AGTPBP1: variants seen among roughly 807,000 people sequenced by gnomAD.
AGTPBP1 encodes ATP/GTP binding carboxypeptidase 1.
A neutral mutation model predicts 143.9 loss-of-function variants in AGTPBP1; 70 were observed. The observed-to-expected ratio is 0.49, with a 90% CI of 0.40 to 0.59. The LOEUF is 0.59. Ranked by LOEUF, AGTPBP1 falls within the 20% of genes least tolerant of loss-of-function variation. The pLI is 0.00. For missense variants in AGTPBP1, 1,229 were observed against 1,464.5 expected (o/e 0.84, Z 2.62); for synonymous variants, 463 against 500.2 (o/e 0.93, Z 0.99).
intron 25 of AGTPBP1, among the ~76,000 whole-genome samples, chr9:85,561,281 G>A (rs1218307124): frequency 6.6e-6 from 1 of 151,558 alleles, no homozygotes; most frequent in Non-Finnish European, 1.5e-5. Flanking sequence ...AGAATCGCTT[G>A]AACCTGGGAG....
the AGTPBP1 span, among the ~76,000 whole-genome samples, chr9:85,775,304 A>G: frequency 7.1e-6 from 1 of 141,826 alleles, no homozygotes; most frequent in Non-Finnish European, 1.5e-5. Context: ...ACCCTGTCTC[A>G]AAAAAAAAAA....
At chr9:85,740,411 A>C (rs547261482) in intron 1 of AGTPBP1, among the ~76,000 whole-genome samples, 2 of 152,266 alleles carry the variant, frequency 1.3e-5, no homozygotes, top group Non-Finnish European at 2.9e-5. Flanking sequence ...CTGCATGATG[A>C]GAAACAGTGG....
intron 17 of AGTPBP1, among the ~76,000 whole-genome samples, chr9:85,617,833 T>C (rs1325276788): frequency 6.6e-6 from 1 of 152,126 alleles, no homozygotes; most frequent in Admixed American, 6.5e-5. Flanking sequence ...CAAACAACCC[T>C]GCACATACAT....
At chr9:85,718,444 T>C (rs1248507360) in intron 1 of AGTPBP1, among the ~76,000 whole-genome samples, 1 of 152,254 alleles carries the variant, frequency 6.6e-6, no homozygotes, top group Non-Finnish European at 1.5e-5. Context: ...TTTTCATGTG[T>C]CTGTTGACTG....
chr9:85,799,947 C>A, the AGTPBP1 span, among the ~76,000 whole-genome samples: 2 of 152,186 alleles, frequency 1.3e-5, no homozygotes, highest in South Asian at 4.1e-4. Context: ...ACCATGGGAT[C>A]CCCAAACCTC....
At chr9:85,672,374 T>C (rs967734638) in intron 7 of AGTPBP1, among the ~76,000 whole-genome samples, 176 bp downstream of exon 7, 5 of 152,076 alleles carry the variant, frequency 3.3e-5, no homozygotes, top group African/African-American at 1.2e-4. Context: ...CAGACCAACT[T>C]AACCTTACCC....
chr9:85,744,377 C>G (rs1824558789), upstream of AGTPBP1, among the ~76,000 whole-genome samples: 3 of 152,196 alleles, frequency 2.0e-5, no homozygotes, highest in Admixed American at 6.5e-5. Context: ...TCTCTTAATT[C>G]TCTGCCTCTA....
intron 1 of AGTPBP1, among the ~76,000 whole-genome samples, chr9:85,725,507 C>T (rs1017477724): frequency 4.6e-5 from 7 of 151,994 alleles, no homozygotes; most frequent in African/African-American, 1.5e-4. Context: ...TGAACATCAG[C>T]CTCTCCCTCT....
intron 17 of AGTPBP1, among the ~76,000 whole-genome samples, chr9:85,598,181 T>C (rs77974139): frequency 5.3e-5 from 8 of 152,140 alleles, no homozygotes; most frequent in East Asian, 1.9e-4. Flanking sequence ...TCTCTCTCTC[T>C]CCCCTGATGT....
chr9:85,738,445 C>T (rs1823970684), intron 1 of AGTPBP1, among the ~76,000 whole-genome samples: 2 of 152,006 alleles, frequency 1.3e-5, no homozygotes, highest in Admixed American at 6.6e-5. Context: ...AAAAAGAATG[C>T]TTAAAAAAAT....
chr9:85,793,947 A>G, the AGTPBP1 span, among the ~76,000 whole-genome samples: 2 of 152,166 alleles, frequency 1.3e-5, no homozygotes, highest in Non-Finnish European at 2.9e-5. Flanking sequence ...TTTAATTTAT[A>G]GGCATTTTCC....
At chr9:85,768,768 C>T in the AGTPBP1 span, among the ~76,000 whole-genome samples, 3 of 151,866 alleles carry the variant, frequency 2.0e-5, no homozygotes, top group Admixed American at 6.6e-5. Context: ...ACATTATTGG[C>T]CAGGCATGGT....
intron 11 of AGTPBP1, 46 bp from the exon 12 acceptor site, chr9:85,646,464 A>C (rs766680214): frequency 7.7e-7 from 1 of 1,296,668 alleles, no homozygotes; most frequent in Non-Finnish European, 1.1e-6. Context: ...TAAGCATTCT[A>C]CAATATGCAT....
chr9:85,621,553 G>A (rs748626298), intron 14 of AGTPBP1, among the ~76,000 whole-genome samples: 3 of 151,334 alleles, frequency 2.0e-5, no homozygotes, highest in Non-Finnish European at 4.4e-5. Flanking sequence ...AAACTTGAAT[G>A]TCTATTATGC....
intron 1 of AGTPBP1, among the ~76,000 whole-genome samples, chr9:85,727,943 C>A (rs189562319): frequency 5.8e-4 from 88 of 151,786 alleles, no homozygotes; most frequent in Non-Finnish European, 1.0e-3. Flanking sequence ...CAAGAGGAAT[C>A]CCTGAGTCCA....
chr9:85,644,875 C>T (rs986757947), intron 12 of AGTPBP1, among the ~76,000 whole-genome samples: 2 of 151,958 alleles, frequency 1.3e-5, no homozygotes, highest in African/African-American at 2.4e-5. Context: ...AATTAAGTAA[C>T]GTCTAAATGT....
At chr9:85,664,589 A>G (rs1834026591) in intron 8 of AGTPBP1, among the ~76,000 whole-genome samples, 1 of 152,178 alleles carries the variant, frequency 6.6e-6, no homozygotes, top group Admixed American at 6.6e-5. Context: ...CATGTCAACT[A>G]CATCTCAGAA....
At chr9:85,604,459 A>G (rs1039920146) in intron 17 of AGTPBP1, among the ~76,000 whole-genome samples, 2 of 152,204 alleles carry the variant, frequency 1.3e-5, no homozygotes, top group Non-Finnish European at 2.9e-5. Context: ...AAAGATTTAG[A>G]TCACAACACT....
intron 3 of AGTPBP1, among the ~76,000 whole-genome samples, chr9:85,682,770 AAAAC>A (rs1835268291): frequency 6.6e-6 from 1 of 152,182 alleles, no homozygotes; most frequent in Non-Finnish European, 1.5e-5. Context: ...AGATGGGAGA[AAAAC>A]AAACTCAGGC....
Sources: allele counts gnomAD v4.1 joint callset (sites outside exome capture counted in the v4.1 genomes callset), GRCh38; gene constraint gnomAD v4.1.1; transcripts MANE v1.5; gene names NCBI Gene and HGNC (gene_info 2026-07-23, HGNC 2026-07-21).